The following MACF1 variants were observed in gnomAD, a reference collection of about 807,000 sequenced individuals.
MACF1 encodes the protein microtubule-actin cross-linking factor 1.
MACF1 carries 193 observed loss-of-function variants against 854.8 expected under a neutral mutation model. That is an observed-to-expected ratio of 0.23 (90% CI 0.20 to 0.25). The LOEUF is 0.25. MACF1 is among the 10% of genes least tolerant of loss of function. The pLI is 1.00. For synonymous variants in MACF1, 3,185 were observed against 3,226.7 expected (o/e 0.99, Z 0.44); for missense variants, 7,722 against 8,929.1 (o/e 0.86, Z 5.45).
chr1:39,472,997 C>T (rs978639405), intron 97 of MACF1, among the ~76,000 whole-genome samples: 1 of 152,140 alleles, frequency 6.6e-6, no homozygotes, highest in African/African-American at 2.4e-5. Context: ...GGAAGGATGA[C>T]GTTAGAGAAT....
At position 39,435,573 on chromosome 1, in the gene MACF1, A is replaced by G. The variant is rs770285305; in HGVS notation, c.17800A>G (p.Ile5934Val). ...QEEMRQLRES[I>V]AEHKPHIDKL... ...TTTTACCTAGCAATTAAGGGAATCT[A>G]TTGCTGAACACAAACCTCATATTGA... Residue 5934 changes from isoleucine (I) to valine (V), a missense_variant, in exon 70 of 101, where the codon ATT (isoleucine) becomes GTT (valine). Ile to Val is a conservative substitution (Grantham distance 29, BLOSUM62 3). Around this residue, in one of 15 missense-constraint regions of MACF1, gnomAD observed 2,807 missense variants for 3,235.8 expected, o/e 0.87. Coordinates refer to ENST00000564288, the MANE Select transcript of MACF1 (RefSeq NM_001394062.1). 1.4e-5 allele frequency: 22 copies of G among 1,613,908 alleles called. No homozygotes were observed. Among genetic ancestry groups the G allele is most frequent in the Middle Eastern group, 1.7e-4 (1 of 6,060 alleles).
In MACF1 at chr1:39,315,538, T is replaced by G. The variant is rs780842483; in HGVS notation, c.3296T>G (p.Leu1099Trp). ...QEHTQEDLQQLRSDLDAVSMK... is the reference protein window; with the variant it reads ...QEHTQEDLQQWRSDLDAVSMK... ...CACACCCAGGAGGATTTACAGCAAT[T>G]GAGGTCAGACTTGGATGCAGTTTCT... Residue 1099 changes from leucine to tryptophan, a missense_variant, in exon 27 of 101, where the codon TTG (leucine) becomes TGG (tryptophan). Coordinates refer to ENST00000564288, the MANE Select transcript of MACF1 (RefSeq NM_001394062.1). 2.1e-5 allele frequency: 34 copies of G among 1,614,056 alleles called. No homozygotes were observed. Among genetic ancestry groups the G allele is most frequent in the Non-Finnish European group, 2.8e-5 (33 of 1,180,008 alleles).
At chr1:39,124,350 C>CT (rs1642807414) in intron 2 of MACF1, among the ~76,000 whole-genome samples, 1 of 152,146 alleles carries the variant, frequency 6.6e-6, no homozygotes, top group Admixed American at 6.6e-5. Context: ...TATTTGAACT[C>CT]TCTGTGACAG....
intron 58 of MACF1, among the ~76,000 whole-genome samples, chr1:39,421,416 T>G (rs796962471): frequency 2.0e-5 from 3 of 152,348 alleles, no homozygotes; most frequent in Middle Eastern, 6.8e-3. Context: ...ATTAAGGACA[T>G]TTCCCAACGT....
chr1:39,336,170 A>G lies in MACF1; in HGVS notation c.9582A>G (p.Pro3194=). 2 of 1,614,204 alleles carry G rather than the reference A, an allele frequency of 1.2e-6. No individual in the cohort carries two copies. The highest frequency in any genetic ancestry group is 1.7e-6 in the Non-Finnish European group (2 of 1,180,028). Reference sequence around the variant, plus strand: ...TGGAAGAAATCACAGTTTCTAGACCAGATTCAAAAGAAGTCAGGTATCTAG... The same window carrying G: ...TGGAAGAAATCACAGTTTCTAGACCGGATTCAAAAGAAGTCAGGTATCTAG... The part of the protein sequence containing the change: ...LKLEEITVSR[P]DSKEVRYLEF... The change falls in exon 37 of 101, where the codon CCA becomes CCG. Residue 3194 remains proline (P), a synonymous_variant. Transcript: ENST00000564288.
At chr1:39,313,215 T>C (rs1319017304) in intron 26 of MACF1, among the ~76,000 whole-genome samples, 1 of 152,210 alleles carries the variant, frequency 6.6e-6, no homozygotes, top group African/African-American at 2.4e-5. Context: ...TGATACTGTG[T>C]CCTTGGTATA....
chr1:39,356,258 ATTAT>A (rs1647556303), intron 44 of MACF1, among the ~76,000 whole-genome samples: 1 of 152,212 alleles, frequency 6.6e-6, no homozygotes, highest in Non-Finnish European at 1.5e-5. Context: ...CAAATTACTT[ATTAT>A]TACCCAGAAA....
chr1:39,457,769 C>G (rs1235141045), intron 89 of MACF1: 1 of 152,508 alleles, frequency 6.6e-6, no homozygotes, highest in Non-Finnish European at 1.5e-5. Flanking sequence ...CCAGGACTGC[C>G]TTCCCACCAT....
intron 43 of MACF1, among the ~76,000 whole-genome samples, chr1:39,351,359 G>A (rs1395552063): frequency 6.6e-6 from 1 of 152,008 alleles, no homozygotes; most frequent in Non-Finnish European, 1.5e-5. Context: ...CACCAGGTTG[G>A]CCAGGCTGGC....
chr1:39,156,443 A>T (rs1052085838), intron 2 of MACF1, among the ~76,000 whole-genome samples: 1 of 152,164 alleles, frequency 6.6e-6, no homozygotes, highest in Non-Finnish European at 1.5e-5. Flanking sequence ...ACATGGTGAA[A>T]CACTGTCTCT....
chr1:39,197,928 T>C (rs1446317798), intron 2 of MACF1, among the ~76,000 whole-genome samples: 1 of 151,958 alleles, frequency 6.6e-6, no homozygotes, highest in Non-Finnish European at 1.5e-5. Context: ...CCAAGTGGAG[T>C]GGCTCATGTC....
intron 2 of MACF1, among the ~76,000 whole-genome samples, chr1:39,164,542 C>T (rs939056907): frequency 6.6e-5 from 10 of 152,230 alleles, no homozygotes; most frequent in African/African-American, 2.4e-4. Context: ...CACTGCTTTA[C>T]TCTGAAGCTT....
intron 2 of MACF1, among the ~76,000 whole-genome samples, chr1:39,110,459 AC>A (rs1642371832): frequency 6.6e-6 from 1 of 150,420 alleles, no homozygotes; most frequent in African/African-American, 2.4e-5. Context: ...GCTGGTCTCA[AC>A]CCCCTGGCCT....
At position 39,340,582 on chromosome 1, in the gene MACF1, G is replaced by C; in HGVS notation, c.10296G>C (p.Gln3432His). The C allele has an allele frequency of 6.2e-7, 1 of 1,614,150 alleles. No homozygotes were observed. Among genetic ancestry groups the C allele is most frequent in the Non-Finnish European group, 8.5e-7 (1 of 1,180,016 alleles). ...GTGTGAATCAGATTATCATCAGCCA[G>C]CCTCAAGAAGTTCCTGCTCAACTGT... is the stretch of plus-strand genomic sequence containing the variant. ...LECVNQIIIS[Q>H]PQEVPAQLLK... Residue 3432 changes from glutamine (Q) to histidine (H), a missense_variant, in exon 39 of 101, where the codon CAG becomes CAC. Gln to His is a conservative substitution (Grantham distance 24). Transcript: ENST00000564288.
chr1:39,275,110 G>C (rs1189547489), intron 6 of MACF1, among the ~76,000 whole-genome samples: 2 of 144,412 alleles, frequency 1.4e-5, no homozygotes, highest in Admixed American at 1.4e-4. Context: ...ACAGAGTCTC[G>C]CTCTGTCGCC....
At chr1:39,384,160 T>C (rs1352419078) in intron 56 of MACF1, among the ~76,000 whole-genome samples, 1 of 152,138 alleles carries the variant, frequency 6.6e-6, no homozygotes, top group African/African-American at 2.4e-5. Flanking sequence ...GCTCGTTCTT[T>C]ATTGTCACAT....
intron 2 of MACF1, among the ~76,000 whole-genome samples, chr1:39,240,912 T>A (rs1437336303): frequency 6.6e-6 from 1 of 152,198 alleles, no homozygotes; most frequent in African/African-American, 2.4e-5. Context: ...TATGATAAAA[T>A]TCTTATATGC....
intron 2 of MACF1, among the ~76,000 whole-genome samples, chr1:39,098,499 C>A (rs940849855): frequency 6.6e-6 from 1 of 152,260 alleles, no homozygotes; most frequent in African/African-American, 2.4e-5. Flanking sequence ...AGTGCCTTAA[C>A]ATCCATTATC....
At chr1:39,248,027 T>G (rs963099485) in intron 2 of MACF1, among the ~76,000 whole-genome samples, 1 of 152,102 alleles carries the variant, frequency 6.6e-6, no homozygotes, top group Non-Finnish European at 1.5e-5. Context: ...TCTCAAAAAA[T>G]GTATATATTC....
Sources: allele counts gnomAD v4.1 joint callset (sites outside exome capture counted in the v4.1 genomes callset), GRCh38; gene constraint gnomAD v4.1.1; regional missense constraint gnomAD v4.1.1; transcripts MANE v1.5; gene names NCBI Gene and HGNC (gene_info 2026-07-23, HGNC 2026-07-21).